CELF4: variants seen among roughly 807,000 people sequenced by gnomAD.
CELF4 encodes the protein CUGBP Elav-like family member 4, also known as CUG-BP- and ETR-3-like factor 4.
CELF4 carries 18 observed loss-of-function variants against 59.9 expected under a neutral mutation model. That is an observed-to-expected ratio of 0.30 (90% CI 0.21 to 0.45). The LOEUF (loss-of-function observed/expected upper bound fraction) is 0.45. Among genes scored for constraint, CELF4 ranks in the 20% least tolerant of loss-of-function variants. The pLI is 1.00. For synonymous variants in CELF4, 261 were observed against 267.1 expected, an observed-to-expected ratio of 0.98 and a Z score of 0.22; for missense variants, 456 against 689.0, an observed-to-expected ratio of 0.66 and a Z score of 3.79.
At chr18:37,484,524 T>A (rs2099876866) in intron 2 of CELF4, among the ~76,000 whole-genome samples, 1 of 152,152 alleles carries the variant, frequency 6.6e-6, no homozygotes, top group Admixed American at 6.5e-5. Flanking sequence ...CAAAATACAA[T>A]ACAAAGGCTG....
At chr18:37,512,578 C>T (rs1422024350) in intron 1 of CELF4, among the ~76,000 whole-genome samples, 1 of 151,594 alleles carries the variant, frequency 6.6e-6, no homozygotes, top group Admixed American at 6.6e-5. Context: ...ATCTTGACAC[C>T]TTTCTCGTCT....
At chr18:37,418,263 T>A (rs533292717) in intron 2 of CELF4, among the ~76,000 whole-genome samples, 1 of 152,198 alleles carries the variant, frequency 6.6e-6, no homozygotes, top group Non-Finnish European at 1.5e-5. Flanking sequence ...TGGTAAAATA[T>A]CTAATGACTG....
chr18:37,508,802 G>T (rs1539846), intron 1 of CELF4, among the ~76,000 whole-genome samples: 93,740 of 152,176 alleles, frequency 0.62, 32,950 homozygotes, highest in East Asian at 0.83. Flanking sequence ...GGAAGCAGGA[G>T]GGAGGCCTCT....
intron 1 of CELF4, among the ~76,000 whole-genome samples, chr18:37,527,136 C>T (rs1304244166): frequency 1.3e-5 from 2 of 151,980 alleles, no homozygotes; most frequent in African/African-American, 4.8e-5. Context: ...TAAGCTAAAT[C>T]GCCTGCAAAT....
chr18:37,310,197 A>G (rs2096594772), intron 3 of CELF4, among the ~76,000 whole-genome samples: 1 of 151,982 alleles, frequency 6.6e-6, no homozygotes, highest in Non-Finnish European at 1.5e-5. Flanking sequence ...TTGCAATAGG[A>G]TGATGCAGCT....
intron 2 of CELF4, among the ~76,000 whole-genome samples, chr18:37,380,084 C>T (rs2099018708): frequency 6.6e-6 from 1 of 152,148 alleles, no homozygotes; most frequent in Admixed American, 6.5e-5. Context: ...CTCTCCCGTC[C>T]AGTTGTCCTG....
chr18:37,443,043 G>C (rs2099737403), intron 2 of CELF4, among the ~76,000 whole-genome samples: 1 of 152,120 alleles, frequency 6.6e-6, no homozygotes, highest in Admixed American at 6.6e-5. Flanking sequence ...GCCAAACAAG[G>C]GGCAACTTGT....
chr18:37,419,914 G>A (rs1343375525), intron 2 of CELF4, among the ~76,000 whole-genome samples: 1 of 152,246 alleles, frequency 6.6e-6, no homozygotes, highest in African/African-American at 2.4e-5. Context: ...GTGGCCCGAG[G>A]TCGGCGGGAA....
chr18:37,300,195 T>C (rs1362969259), intron 3 of CELF4, among the ~76,000 whole-genome samples: 2 of 141,814 alleles, frequency 1.4e-5, no homozygotes, highest in Non-Finnish European at 3.0e-5. Flanking sequence ...TTGTGCCTGC[T>C]TGTTGCATGT....
At chr18:37,447,320 G>T (rs1288873674) in intron 2 of CELF4, among the ~76,000 whole-genome samples, 1 of 152,218 alleles carries the variant, frequency 6.6e-6, no homozygotes, top group African/African-American at 2.4e-5. Flanking sequence ...AGCGGCTTGA[G>T]TGCATTATCT....
intron 2 of CELF4, among the ~76,000 whole-genome samples, chr18:37,341,473 T>G (rs1207054608): frequency 6.6e-6 from 1 of 152,216 alleles, no homozygotes; most frequent in African/African-American, 2.4e-5. Context: ...CTGGGGCCAC[T>G]CAGCCTGAGC....
At chr18:37,538,248 C>T (rs2099975201) in intron 1 of CELF4, among the ~76,000 whole-genome samples, 1 of 152,300 alleles carries the variant, frequency 6.6e-6, no homozygotes, top group African/African-American at 2.4e-5. Flanking sequence ...TTTTCCTTGT[C>T]TCTCCATGGA....
rs376485742 is a variant in CELF4 at position 37,501,394 on chromosome 18, G to A, written c.287-15787C>T. ...CAGCTGAGGGCTCAGGTGGGACAAC[G>A]TGGAGCCCCAGACCCTGGCAGCCCT... On this transcript the variant is annotated intron_variant, in intron 1 of 12. Coordinates refer to ENST00000420428, the MANE Select transcript of CELF4 (RefSeq NM_020180.4). Among the ~76,000 whole-genome samples the A allele has an allele frequency of 4.6e-5, 7 of 152,334 alleles. No homozygotes were observed. In the East Asian group the frequency reaches 7.7e-4, roughly 17 times the overall value.
At chr18:37,331,654 C>T (rs551208911) in intron 2 of CELF4, among the ~76,000 whole-genome samples, 2 of 152,016 alleles carry the variant, frequency 1.3e-5, no homozygotes, top group African/African-American at 4.8e-5. Flanking sequence ...ATGCTCCAGA[C>T]CTTCTGTTGA....
chr18:37,274,732 G>A (rs973337590), intron 5 of CELF4, 73 bp downstream of exon 5: 14 of 1,504,666 alleles, frequency 9.3e-6, no homozygotes, highest in African/African-American at 2.8e-5. Context: ...CTGGACAGCC[G>A]GCGGGGCGTG....
At chr18:37,485,711 G>C in intron 1 of CELF4, 104 bp from the exon 2 acceptor site, 1 of 586,620 alleles carries the variant, frequency 1.7e-6, no homozygotes, top group Non-Finnish European at 2.6e-6. Flanking sequence ...CCTGCCGCTC[G>C]GTCCCTGTCC....
At chr18:37,441,289 G>GTGTC (rs1557426520) in intron 2 of CELF4, among the ~76,000 whole-genome samples, 2 of 151,862 alleles carry the variant, frequency 1.3e-5, no homozygotes, top group South Asian at 2.1e-4. Context: ...GTGTGTGTGT[G>GTGTC]TGTGTGTGTG....
intron 1 of CELF4, among the ~76,000 whole-genome samples, chr18:37,535,398 T>C (rs2099972683): frequency 6.6e-6 from 1 of 152,172 alleles, no homozygotes; most frequent in South Asian, 2.1e-4. Flanking sequence ...ATTGCTCCTG[T>C]TTCAAAGAGC....
intron 1 of CELF4, among the ~76,000 whole-genome samples, chr18:37,494,922 A>G (rs1481896413): frequency 6.6e-6 from 1 of 152,128 alleles, no homozygotes; most frequent in Non-Finnish European, 1.5e-5. Flanking sequence ...TCCCGCAGAC[A>G]CCCAAGTAGA....
Sources: allele counts gnomAD v4.1 joint callset (sites outside exome capture counted in the v4.1 genomes callset), GRCh38; gene constraint gnomAD v4.1.1; transcripts MANE v1.5; gene names NCBI Gene and HGNC (gene_info 2026-07-23, HGNC 2026-07-21).